PDZRN4: variants seen among roughly 807,000 people sequenced by gnomAD.
The protein encoded by PDZRN4 is PDZ domain-containing RING finger protein 4.
A neutral mutation model predicts 99.0 loss-of-function variants in PDZRN4; 70 were observed. That is an observed-to-expected ratio of 0.71 (90% confidence interval 0.58 to 0.86). The LOEUF is 0.86. Among genes scored for constraint, PDZRN4 ranks in the 40% least tolerant of loss-of-function variants. The pLI, the probability that PDZRN4 is intolerant of heterozygous loss-of-function variation, is 0.00. For synonymous variants in PDZRN4, 551 were observed against 501.6 expected (o/e 1.10, Z -1.32); for missense variants, 1,474 against 1,331.2 (o/e 1.11, Z -1.67).
At chr12:41,490,564 G>A (rs1937864792) in intron 3 of PDZRN4, among the ~76,000 whole-genome samples, 1 of 151,926 alleles carries the variant, frequency 6.6e-6, no homozygotes, top group Non-Finnish European at 1.5e-5. Context: ...CTTTATATAT[G>A]TGCATATATT....
At chr12:41,310,857 A>G (rs1951601948) in intron 3 of PDZRN4, among the ~76,000 whole-genome samples, 1 of 152,118 alleles carries the variant, frequency 6.6e-6, no homozygotes, top group Non-Finnish European at 1.5e-5. Flanking sequence ...TAACATACAT[A>G]AAAGGGTTTT....
At chr12:41,534,332 G>T (rs925520687) in intron 5 of PDZRN4, among the ~76,000 whole-genome samples, 2 of 151,716 alleles carry the variant, frequency 1.3e-5, no homozygotes, top group Non-Finnish European at 2.9e-5. Flanking sequence ...GGATGTACAG[G>T]TCTGTTACAT....
intron 3 of PDZRN4, among the ~76,000 whole-genome samples, chr12:41,306,742 G>A (rs1413179195): frequency 6.6e-6 from 1 of 152,152 alleles, no homozygotes; most frequent in Non-Finnish European, 1.5e-5. Context: ...GAGAAACCAA[G>A]CCACTCCTTC....
At chr12:41,247,575 G>A (rs1951141429) in intron 3 of PDZRN4, among the ~76,000 whole-genome samples, 1 of 152,016 alleles carries the variant, frequency 6.6e-6, no homozygotes. Flanking sequence ...CCAATTCCTG[G>A]GTTTGGCTTT....
At chr12:41,527,357 T>G (rs1938586297) in intron 5 of PDZRN4, among the ~76,000 whole-genome samples, 1 of 152,146 alleles carries the variant, frequency 6.6e-6, no homozygotes, top group African/African-American at 2.4e-5. Context: ...AACTTGGACT[T>G]TACGCTACAG....
intron 3 of PDZRN4, among the ~76,000 whole-genome samples, chr12:41,452,227 A>G (rs1322508042): frequency 6.6e-6 from 1 of 151,174 alleles, no homozygotes; most frequent in Admixed American, 6.6e-5. Flanking sequence ...CAGGAGATTG[A>G]GACTATTCTG....
chr12:41,413,962 C>T (rs1952420578), intron 3 of PDZRN4, among the ~76,000 whole-genome samples: 1 of 152,126 alleles, frequency 6.6e-6, no homozygotes, highest in African/African-American at 2.4e-5. Flanking sequence ...ATTCTTTCAA[C>T]TCCATGTTTA....
intron 3 of PDZRN4, among the ~76,000 whole-genome samples, chr12:41,238,621 A>G (rs1951083018): frequency 6.6e-6 from 1 of 152,150 alleles, no homozygotes; most frequent in Admixed American, 6.5e-5. Flanking sequence ...AGCACAAGAA[A>G]AAAAGCTCAA....
At chr12:41,394,334 C>T (rs1460324054) in intron 3 of PDZRN4, among the ~76,000 whole-genome samples, 2 of 152,150 alleles carry the variant, frequency 1.3e-5, no homozygotes, top group Non-Finnish European at 2.9e-5. Flanking sequence ...TTGCAGGACA[C>T]TCCCAAAGAT....
intron 3 of PDZRN4, among the ~76,000 whole-genome samples, chr12:41,390,253 A>G (rs1453192017): frequency 1.3e-5 from 2 of 152,204 alleles, no homozygotes; most frequent in African/African-American, 4.8e-5. Flanking sequence ...GGTGTTATTT[A>G]TAAACACAAT....
In PDZRN4 at chr12:41,573,263, T is replaced by C; in HGVS notation, c.2484T>C (p.Pro828=). The change falls in exon 10 of 10, where the codon CCT becomes CCC. Residue 828 remains proline (P), a synonymous_variant. Coordinates refer to ENST00000402685, the MANE Select transcript of PDZRN4 (RefSeq NM_001164595.2). ...DQEKAVSEHI[P]YLSPYHSSSY... ...AGAAGGCAGTCAGCGAACACATCCC[T>C]TACCTCTCTCCTTACCACAGCTCCT... is the stretch of plus-strand genomic sequence containing the variant. The C allele has an allele frequency of 1.2e-6, 2 of 1,613,838 alleles. No homozygotes were observed. Among genetic ancestry groups the C allele is most frequent in the South Asian group, 1.1e-5 (1 of 91,080 alleles).
rs191370424 is a variant in PDZRN4, at chr12:41,276,688, A to G, written c.843+82500A>G. ...CTTAATGTTAGGGCCAGCAATCACT[A>G]TGAGATTTATTTTCCTAATACACTG... On this transcript the variant is annotated intron_variant, in intron 3 of 9. Transcript: ENST00000402685. 3.3e-5 allele frequency among the ~76,000 whole-genome samples: 5 copies of G among 152,286 alleles called. No homozygotes were observed. The East Asian group carries it at 7.7e-4, about 23-fold the overall frequency.
intron 5 of PDZRN4, among the ~76,000 whole-genome samples, chr12:41,526,907 A>C (rs1938577325): frequency 2.6e-5 from 4 of 152,222 alleles, no homozygotes; most frequent in Admixed American, 6.5e-5. Flanking sequence ...CCTTTCAGCT[A>C]TCTGAAAGCC....
rs532719104 is a variant in PDZRN4, at chr12:41,390,099, C to T, written c.844-116357C>T. On this transcript the variant is annotated intron_variant, in intron 3 of 9. Transcript: ENST00000402685. ...TGGGTAGGTGCCTGAGATTAAAACCCTTTTTACAGTTGAGGGCCGTGATAA... is the reference window on the plus strand; with the variant it reads ...TGGGTAGGTGCCTGAGATTAAAACCTTTTTTACAGTTGAGGGCCGTGATAA... Among the ~76,000 whole-genome samples, 5 of 152,128 alleles carry T rather than the reference C, an allele frequency of 3.3e-5. No homozygotes were observed. In the South Asian group the frequency reaches 1.0e-3, roughly 32 times the overall value.
intron 3 of PDZRN4, among the ~76,000 whole-genome samples, chr12:41,314,687 T>C (rs1052091901): frequency 6.6e-6 from 1 of 152,184 alleles, no homozygotes; most frequent in Non-Finnish European, 1.5e-5. Context: ...GGCTGAAATG[T>C]GAAGGTCTTG....
At chr12:41,290,352 T>C (rs998704045) in intron 3 of PDZRN4, among the ~76,000 whole-genome samples, 1 of 152,194 alleles carries the variant, frequency 6.6e-6, no homozygotes, top group Admixed American at 6.5e-5. Flanking sequence ...GTTTGGAAAA[T>C]AGAAATTCTG....
At chr12:41,365,979 T>C (rs531549549) in intron 3 of PDZRN4, among the ~76,000 whole-genome samples, 29 of 152,206 alleles carry the variant, frequency 1.9e-4, no homozygotes, top group African/African-American at 7.0e-4. Flanking sequence ...AATGAGCAAA[T>C]TGCTACTGTG....
intron 3 of PDZRN4, among the ~76,000 whole-genome samples, chr12:41,413,502 A>G (rs1952415829): frequency 6.6e-6 from 1 of 152,138 alleles, no homozygotes; most frequent in South Asian, 2.1e-4. Flanking sequence ...ATAGTTTCAA[A>G]TAGCTAGAAG....
At chr12:41,392,146 G>T (rs1470580267) in intron 3 of PDZRN4, among the ~76,000 whole-genome samples, 3 of 152,104 alleles carry the variant, frequency 2.0e-5, no homozygotes, top group Middle Eastern at 3.4e-3. Flanking sequence ...TGTCCTAAAG[G>T]CTTTGCTGTG....
Sources: allele counts gnomAD v4.1 joint callset (sites outside exome capture counted in the v4.1 genomes callset), GRCh38; gene constraint gnomAD v4.1.1; transcripts MANE v1.5; gene names NCBI Gene and HGNC (gene_info 2026-07-23, HGNC 2026-07-21).